Variants in AMACR observed in about 807,000 individuals in gnomAD.
AMACR encodes the protein alpha-methylacyl-CoA racemase.
A neutral mutation model predicts 22.2 loss-of-function variants in AMACR; 18 were observed. That is an observed-to-expected ratio of 0.81 (90% confidence interval 0.56 to 1.20). The LOEUF (loss-of-function observed/expected upper bound fraction) is 1.20. AMACR is among the 50% of genes most tolerant of loss of function. AMACR has a pLI of 0.00. For synonymous variants in AMACR, 213 were observed against 191.3 expected, an observed-to-expected ratio of 1.11 and a Z score of -0.94; for missense variants, 499 against 490.6, an observed-to-expected ratio of 1.02 and a Z score of -0.16.
At chr5:33,991,948 G>C (rs1392219015) in intron 4 of AMACR, among the ~76,000 whole-genome samples, 1 of 151,910 alleles carries the variant, frequency 6.6e-6, no homozygotes, top group Non-Finnish European at 1.5e-5. Context: ...GCACGATCTC[G>C]GCTCACTGCA....
chr5:33,993,766 G>A (rs1490635123), intron 4 of AMACR, among the ~76,000 whole-genome samples: 5 of 152,050 alleles, frequency 3.3e-5, no homozygotes, highest in African/African-American at 1.2e-4. Context: ...GGGCGTGGTG[G>A]TGGGCACCTG....
intron 4 of AMACR, chr5:33,997,459 G>A (rs1165828872): frequency 1.3e-6 from 1 of 778,966 alleles, no homozygotes; most frequent in African/African-American, 1.7e-5. Context: ...ACGAGGGTTT[G>A]CCTTGCCTGG....
chr5:33,997,922 G>T (rs1442765119), intron 4 of AMACR, among the ~76,000 whole-genome samples: 1 of 152,178 alleles, frequency 6.6e-6, no homozygotes, highest in African/African-American at 2.4e-5. Context: ...ACGTAACAAT[G>T]AAACTCTAAA....
At chr5:33,992,540 C>T (rs888574743) in intron 4 of AMACR, among the ~76,000 whole-genome samples, 2 of 151,886 alleles carry the variant, frequency 1.3e-5, no homozygotes, top group Non-Finnish European at 2.9e-5. Context: ...AAGTCCCTGT[C>T]TCTACAAAAA....
In AMACR at chr5:34,007,758, G is replaced by A. The variant is rs757274246; in HGVS notation, c.247+15C>T. ...CGGGAACTTCCCGAGAGCAGCCCGCGGGGCCCGGGCTCACCGCGGCGGAAG... is the reference window on the plus strand; with the variant it reads ...CGGGAACTTCCCGAGAGCAGCCCGCAGGGCCCGGGCTCACCGCGGCGGAAG... On this transcript the variant is annotated intron_variant, in intron 1 of 4. Coordinates refer to ENST00000335606, the MANE Select transcript of AMACR (RefSeq NM_014324.6). 6.5e-7 allele frequency: 1 copy of A among 1,539,628 alleles called. No individual in the cohort carries two copies. Among genetic ancestry groups the A allele is most frequent in the Non-Finnish European group, 8.7e-7 (1 of 1,149,002 alleles).
chr5:33,997,224 T>C, intron 4 of AMACR: 1 of 767,254 alleles, frequency 1.3e-6, no homozygotes, highest in Non-Finnish European at 2.4e-6. Flanking sequence ...CATTAGCGAC[T>C]AATTCATTAG....
Position 33,986,200 on chromosome 5 carries a change from AT to A in AMACR, c.*2892del, listed in dbSNP as rs1225747402. The A allele has an allele frequency of 6.6e-6, 1 of 152,144 alleles. No homozygotes were observed. Among genetic ancestry groups the A allele is most frequent in the African/African-American group, 2.4e-5 (1 of 41,438 alleles). The allele number at this position is 152,144 out of a possible 1,614,324, so 9.4% of individuals were successfully genotyped here. ...AACTTTTTATAAATATAGACATTCTATTTTTTACTACAAGTTTTCCACACAC... is the reference window on the plus strand; with the variant it reads ...AACTTTTTATAAATATAGACATTCTATTTTTACTACAAGTTTTCCACACAC... On this transcript the variant is annotated 3_prime_UTR_variant, in exon 5 of 5. Transcript: ENST00000335606.
intron 3 of AMACR, among the ~76,000 whole-genome samples, chr5:33,999,372 T>C (rs1349157689): frequency 3.9e-5 from 6 of 152,174 alleles, no homozygotes; most frequent in Non-Finnish European, 8.8e-5. Context: ...TATTTCATAA[T>C]CACTAGAAAG....
intron 4 of AMACR, among the ~76,000 whole-genome samples, chr5:33,992,147 G>A (rs1450672237): frequency 6.6e-6 from 1 of 151,886 alleles, no homozygotes; most frequent in African/African-American, 2.4e-5. Flanking sequence ...CCAAAGTGCT[G>A]GGATTACAGG....
Position 33,998,399 on chromosome 5 carries a change from C to T in AMACR, c.739+242G>A, listed in dbSNP as rs74454886. Reference sequence around the variant, plus strand: ...AAGGAGTGAACTGTAATAAAAGCACCGAACATCCTACAAAAGGGATTATTA... The same window carrying T: ...AAGGAGTGAACTGTAATAAAAGCACTGAACATCCTACAAAAGGGATTATTA... On this transcript the variant is annotated intron_variant, in intron 4 of 4. Coordinates refer to ENST00000335606, the MANE Select transcript of AMACR (RefSeq NM_014324.6). Among the ~76,000 whole-genome samples, 1,841 of 152,106 alleles carry T rather than the reference C, an allele frequency of 0.012. 45 individuals carry two copies. The highest frequency in any genetic ancestry group is 0.042 in the African/African-American group (1,747 of 41,472).
chr5:33,989,542 A>C, intron 4 of AMACR, 40 bp from the exon 5 acceptor site: 1 of 1,516,586 alleles, frequency 6.6e-7, no homozygotes, highest in Non-Finnish European at 9.2e-7. Context: ...TATGCTTTGA[A>C]CAGAGCAATT....
intron 3 of AMACR, among the ~76,000 whole-genome samples, chr5:34,002,434 T>G (rs1192561791): frequency 6.6e-6 from 1 of 152,230 alleles, no homozygotes; most frequent in Non-Finnish European, 1.5e-5. Flanking sequence ...TAGAGAAGTA[T>G]CTAGGCTCAA....
intron 3 of AMACR, among the ~76,000 whole-genome samples, chr5:33,999,988 T>C (rs560258334): frequency 3.4e-4 from 51 of 152,232 alleles, no homozygotes; most frequent in Non-Finnish European, 6.5e-4. Flanking sequence ...TTTATGTTTA[T>C]GTTATTTAAG....
intron 4 of AMACR, among the ~76,000 whole-genome samples, chr5:33,991,370 T>C (rs1364014001): frequency 1.3e-5 from 2 of 152,118 alleles, no homozygotes; most frequent in African/African-American, 4.8e-5. Flanking sequence ...GACACTCCAA[T>C]ATGGAACTTG....
intron 3 of AMACR, among the ~76,000 whole-genome samples, chr5:34,003,920 T>C (rs960710683): frequency 1.3e-5 from 2 of 152,230 alleles, no homozygotes; most frequent in African/African-American, 4.8e-5. Context: ...ACCCACTAGC[T>C]GTGAGATCTT....
rs2112078140 is a variant in AMACR at position 34,007,881 on chromosome 5, C to A, written c.139G>T (p.Gly47Cys). The A allele has an allele frequency of 6.3e-7, 1 of 1,597,354 alleles. No individual in the cohort carries two copies. Among genetic ancestry groups the A allele is most frequent in the Non-Finnish European group, 8.5e-7 (1 of 1,174,168 alleles). The change falls in exon 1 of 5, where the codon GGC becomes TGC. Residue 47 changes from glycine to cysteine, a missense_variant. Transcript: ENST00000335606. ...PGSRYDVSRL[G>C]RGKRSLVLDL... ...AGCACTAGCGAGCGCTTGCCCCGGC[C>A]CAAGCGGCTCACGTCGTAGCGGGAG...
chr5:34,008,050 T>G lies in AMACR; in HGVS notation c.-31A>C. 3.7e-6 allele frequency: 6 copies of G among 1,606,176 alleles called. No individual in the cohort carries two copies. The highest frequency in any genetic ancestry group is 5.1e-6 in the Non-Finnish European group (6 of 1,179,520). ...TTCCCAGTGCCCCGCTGAAGGAAAC[T>G]GAGCAGCCCTTAGCCCCAGCCCAGC... On this transcript the variant is annotated 5_prime_UTR_variant, in exon 1 of 5. Coordinates refer to ENST00000335606, the MANE Select transcript of AMACR (RefSeq NM_014324.6).
rs745648289 is a variant in AMACR at position 33,989,518 on chromosome 5, A to G, written c.740-16T>C. ...AGTCCAAGTCCTGAGGAAAAATACA[A>G]TTTCCTAAATTATTATGCTTTGAAC... On this transcript the variant is annotated splice_polypyrimidine_tract_variant and intron_variant, in intron 4 of 4. Coordinates refer to ENST00000335606, the MANE Select transcript of AMACR (RefSeq NM_014324.6). 1.3e-6 allele frequency: 2 copies of G among 1,586,622 alleles called. No individual in the cohort carries two copies. The highest frequency in any genetic ancestry group is 2.2e-5 in the South Asian group (2 of 90,546).
At chr5:34,002,647 A>G (rs888920534) in intron 3 of AMACR, among the ~76,000 whole-genome samples, 3 of 152,224 alleles carry the variant, frequency 2.0e-5, no homozygotes, top group African/African-American at 7.2e-5. Context: ...CAAGTCTTCA[A>G]TGCCAATGAT....
Sources: gnomAD v4.1 joint callset for allele counts (sites outside exome capture counted in the v4.1 genomes callset) on GRCh38, gnomAD v4.1.1 for gene constraint, MANE v1.5 for transcripts, NCBI Gene and HGNC (gene_info 2026-07-23, HGNC 2026-07-21) for gene names.